IPO13: variants seen among roughly 807,000 people sequenced by gnomAD.
The protein encoded by IPO13 is importin-13.
In IPO13, 28 loss-of-function variants were observed where a neutral mutation model predicts 115.5. The ratio of observed to expected loss-of-function variants is 0.24; its 90% CI spans 0.18 to 0.33. The LOEUF is 0.33. IPO13 is among the 10% of genes least tolerant of loss of function. The probability of loss-of-function intolerance (pLI) is 1.00; values close to 1 mark genes in which losing one functional copy is unlikely to be tolerated. For synonymous variants in IPO13, 414 were observed against 478.9 expected, an observed-to-expected ratio of 0.86 and a Z score of 1.77; for missense variants, 785 against 1,204.6, an observed-to-expected ratio of 0.65 and a Z score of 5.16.
intron 2 of IPO13, chr1:43,953,376 C>T (rs2085222253): frequency 6.6e-6 from 1 of 152,276 alleles, no homozygotes; most frequent in African/African-American, 2.4e-5. Context: ...CTCCTTCCCC[C>T]AAACCTAGAA....
At chr1:43,948,155 A>T (rs1278917049) in intron 1 of IPO13, among the ~76,000 whole-genome samples, 1 of 152,162 alleles carries the variant, frequency 6.6e-6, no homozygotes, top group Non-Finnish European at 1.5e-5. Flanking sequence ...TCCTTCCTTT[A>T]TTGGATGGAA....
rs765190737 is a variant in IPO13, at chr1:43,958,165, A to G, written c.1722+7A>G. The G allele has an allele frequency of 3.7e-6, 6 of 1,614,106 alleles. No individual in the cohort carries two copies. The South Asian group carries it at 6.6e-5, about 18-fold the overall frequency. ...CATTGTGGCTGTGTCCCAGGTATGC[A>G]GGGGCCCTGGATGGTGCTGGGCCTC... is the stretch of plus-strand genomic sequence containing the variant. On this transcript the variant is annotated splice_region_variant and intron_variant, in intron 8 of 19. Transcript: ENST00000372343. The surrounding 1 kb of genome is among the most constrained non-coding windows in gnomAD (Gnocchi z 6.3).
Position 43,949,434 on chromosome 1 carries a change from C to T in IPO13, c.102C>T (p.Tyr34=). 2 of 1,609,788 alleles carry T rather than the reference C, an allele frequency of 1.2e-6. No individual in the cohort carries two copies. The highest frequency in any genetic ancestry group is 1.7e-6 in the Non-Finnish European group (2 of 1,177,394). ...TCCTGCAGGCGCTGCACCAGCTCTA[C>T]TATGATCCCAACATTGAGAATAAGA... ...ENVEKALHQL[Y]YDPNIENKNL... is the part of the protein sequence containing the mutation. Residue 34 remains tyrosine, a synonymous_variant, in exon 2 of 20, where the codon TAC becomes TAT. Coordinates refer to ENST00000372343, the MANE Select transcript of IPO13 (RefSeq NM_014652.4).
In IPO13 at chr1:43,949,450, G is replaced by A. The variant is rs757981340; in HGVS notation, c.118G>A (p.Glu40Lys). 6.2e-7 allele frequency: 1 copy of A among 1,612,192 alleles called. No homozygotes were observed. Among genetic ancestry groups the A allele is most frequent in the Non-Finnish European group, 8.5e-7 (1 of 1,178,732 alleles). ...LHQLYYDPNI[E>K]NKNLAQKWLM... The stretch of plus-strand genomic sequence containing the variant: ...CCAGCTCTACTATGATCCCAACATT[G>A]AGAATAAGAACCTGGCTCAGAAGTG... Residue 40 changes from glutamate (E) to lysine (K), a missense_variant, in exon 2 of 20, where the codon GAG becomes AAG. This residue lies in a region of IPO13 where 325 missense variants were observed against 449.8 expected (regional missense o/e 0.72). Coordinates refer to ENST00000372343, the MANE Select transcript of IPO13 (RefSeq NM_014652.4).
rs773625032 is a variant in IPO13 at position 43,967,518 on chromosome 1, C to G, written c.2795+22C>G. 1 of 1,614,138 alleles carries G rather than the reference C, an allele frequency of 6.2e-7. No individual in the cohort carries two copies. Among genetic ancestry groups the G allele is most frequent in the Non-Finnish European group, 8.5e-7 (1 of 1,179,994 alleles). ...TTCGGTGAGCAGAGCTGGGGTGGGC[C>G]TGGGGTCAGGCAGAGAGGGGGCAGT... On this transcript the variant is annotated intron_variant, in intron 19 of 19. Coordinates refer to ENST00000372343, the MANE Select transcript of IPO13 (RefSeq NM_014652.4). The surrounding 1 kb of genome is among the most constrained non-coding windows in gnomAD (Gnocchi z 6.1).
At position 43,961,021 on chromosome 1, in the gene IPO13, T is replaced by C; in HGVS notation, c.2247+8T>C. 2 of 1,614,014 alleles carry C rather than the reference T, an allele frequency of 1.2e-6. No homozygotes were observed. Among genetic ancestry groups the C allele is most frequent in the Non-Finnish European group, 1.7e-6 (2 of 1,179,892 alleles). On this transcript the variant is annotated splice_region_variant and intron_variant, in intron 13 of 19. Transcript: ENST00000372343. ...CTTGACCTCACTCGACAGGTGGGCC[T>C]TCTGGTTGGGGCAGAGATCCTGACC...
chr1:43,964,171 C>G (rs1374566115), intron 14 of IPO13, 98 bp from the exon 15 acceptor site: 1 of 781,908 alleles, frequency 1.3e-6, no homozygotes, highest in Non-Finnish European at 2.2e-6. Context: ...TGTGCCCCCA[C>G]GCTGTCTCCC....
At chr1:43,947,949 G>T (rs2085178865) in intron 1 of IPO13, among the ~76,000 whole-genome samples, 1 of 152,232 alleles carries the variant, frequency 6.6e-6, no homozygotes, top group East Asian at 1.9e-4. Flanking sequence ...CTTCCGTCCA[G>T]ACTGGCTATG....
intron 14 of IPO13, among the ~76,000 whole-genome samples, chr1:43,963,357 T>C (rs2085302303): frequency 6.6e-6 from 1 of 152,206 alleles, no homozygotes; most frequent in Non-Finnish European, 1.5e-5. Flanking sequence ...GTTGGGCTTG[T>C]TGGTTGTCTC....
intron 11 of IPO13, among the ~76,000 whole-genome samples, chr1:43,959,608 ACTCC>A (rs1172912107): frequency 1.3e-5 from 2 of 151,902 alleles, no homozygotes; most frequent in African/African-American, 4.8e-5. Context: ...TGTTCCCAGA[ACTCC>A]CTCCCAGATT....
intron 14 of IPO13, among the ~76,000 whole-genome samples, chr1:43,962,221 C>A (rs1012122370): frequency 2.0e-5 from 3 of 152,202 alleles, no homozygotes; most frequent in Admixed American, 1.3e-4. Context: ...TCAACTCCAC[C>A]TCTCCCAACT....
At position 43,967,604 on chromosome 1, in the gene IPO13, G is replaced by A. The variant is rs1364964349; in HGVS notation, c.2814G>A (p.Arg938=). 6.2e-7 allele frequency: 1 copy of A among 1,614,122 alleles called. No homozygotes were observed. The highest frequency in any genetic ancestry group is 2.2e-5 in the East Asian group (1 of 44,902). The change falls in exon 20 of 20, where the codon AGG becomes AGA. Residue 938 remains arginine, a synonymous_variant. Transcript: ENST00000372343. This position sits in a 1 kb window ranked among gnomAD's most constrained non-coding sequence, Gnocchi z 6.1. ...CCTTCAGCGAGCGAGTGAACAAGAG[G>A]CGGGTGAAGGAGATGGTGAAGGAGT... ...QQILRERVNK[R]RVKEMVKEFT... is the part of the protein sequence containing the mutation.
Position 43,947,118 on chromosome 1 carries a change from G to A in IPO13, c.-483G>A, listed in dbSNP as rs1403192344. Reference sequence around the variant, plus strand: ...GCTGCATCTCCGCGCTTCGTTGGACGCCTCCGTAACCACGAAGGGCTCTCT... The same window carrying A: ...GCTGCATCTCCGCGCTTCGTTGGACACCTCCGTAACCACGAAGGGCTCTCT... On this transcript the variant is annotated 5_prime_UTR_variant, in exon 1 of 20. Transcript: ENST00000372343. 2.5e-6 allele frequency: 1 copy of A among 398,898 alleles called. No homozygotes were observed. The highest frequency in any genetic ancestry group is 4.4e-6 in the Non-Finnish European group (1 of 226,294). 24.7% of individuals were successfully genotyped at this position (398,898 alleles called of 1,614,324 possible).
Position 43,967,233 on chromosome 1 carries a change from T to C in IPO13, c.2614-82T>C. 6.9e-7 allele frequency: 1 copy of C among 1,451,228 alleles called. No individual in the cohort carries two copies. Among genetic ancestry groups the C allele is most frequent in the Non-Finnish European group, 9.6e-7 (1 of 1,045,294 alleles). The allele number at this position is 1,451,228 out of a possible 1,614,324, so 89.9% of individuals were successfully genotyped here. A position where few individuals can be genotyped will look rare whatever the true frequency, so the allele number is the denominator to read the frequency against. On this transcript the variant is annotated intron_variant, in intron 18 of 19. Coordinates refer to ENST00000372343, the MANE Select transcript of IPO13 (RefSeq NM_014652.4). The surrounding 1 kb of genome is among the most constrained non-coding windows in gnomAD (Gnocchi z 6.1). ...GATGTGCAGTTTGGCTTAGGAACTG[T>C]CCAGAGGGCAGTTAGGCATTCTTGC... is the stretch of plus-strand genomic sequence containing the variant.
chr1:43,954,627 G>C (rs2085231971), intron 2 of IPO13, among the ~76,000 whole-genome samples: 1 of 152,208 alleles, frequency 6.6e-6, no homozygotes, highest in Admixed American at 6.5e-5. Context: ...CCAAGGTGCT[G>C]GAGAGGGATC....
At chr1:43,949,279 C>A in intron 1 of IPO13, 138 bp from the exon 2 acceptor site, 1 of 849,446 alleles carries the variant, frequency 1.2e-6, no homozygotes, top group Non-Finnish European at 1.8e-6. Context: ...GGAAACACTG[C>A]AGAGCGCTGA....
At chr1:43,964,673 G>C (rs1389813711) in intron 15 of IPO13, among the ~76,000 whole-genome samples, 1 of 152,056 alleles carries the variant, frequency 6.6e-6, no homozygotes, top group Non-Finnish European at 1.5e-5. Context: ...GAAGGGTCTG[G>C]GGTACACTGT....
Position 43,949,581 on chromosome 1 carries a change from C to T in IPO13, c.249C>T (p.His83=), listed in dbSNP as rs368253513. ...AGTACTTTGGGGCCAGTGCTCTTCA[C>T]ATCAAGATCTCTCGCTACTGGAGTG... ...EIQYFGASAL[H]IKISRYWSDI... Residue 83 remains histidine (H), a synonymous_variant, in exon 2 of 20, where the codon CAC becomes CAT. Transcript: ENST00000372343. The T allele has an allele frequency of 1.7e-5, 28 of 1,614,120 alleles. No homozygotes were observed. The highest frequency in any genetic ancestry group is 2.7e-5 in the African/African-American group (2 of 74,940).
intron 2 of IPO13, among the ~76,000 whole-genome samples, chr1:43,950,822 A>G (rs1320275554): frequency 1.3e-5 from 2 of 152,196 alleles, no homozygotes; most frequent in African/African-American, 4.8e-5. Flanking sequence ...TCATTTCCAT[A>G]GGGAAGTCCT....
Sources: allele counts gnomAD v4.1 joint callset (sites outside exome capture counted in the v4.1 genomes callset), GRCh38; gene constraint gnomAD v4.1.1; regional missense constraint gnomAD v4.1.1; non-coding constraint Gnocchi (gnomAD v3.1); transcripts MANE v1.5; gene names NCBI Gene and HGNC (gene_info 2026-07-23, HGNC 2026-07-21).